The following LMX1A variants were observed in gnomAD, a reference collection of about 807,000 sequenced individuals.
The protein encoded by LMX1A is LIM homeobox transcription factor 1 alpha, also known as LIM homeobox transcription factor 1-alpha.
Under a neutral mutation model 49.1 loss-of-function variants are expected in LMX1A, and 15 were observed. The ratio of observed to expected loss-of-function variants is 0.31; its 90% confidence interval spans 0.20 to 0.47. The LOEUF is 0.47. LMX1A is among the 20% of genes least tolerant of loss of function. The pLI is 1.00. For synonymous variants in LMX1A, 167 were observed against 185.7 expected, an observed-to-expected ratio of 0.90 and a Z score of 0.82; for missense variants, 372 against 475.8, an observed-to-expected ratio of 0.78 and a Z score of 2.03.
intron 3 of LMX1A, among the ~76,000 whole-genome samples, chr1:165,258,300 G>A (rs1653315924): frequency 6.6e-6 from 1 of 152,158 alleles, no homozygotes; most frequent in South Asian, 2.1e-4. Flanking sequence ...AAAGTATTGG[G>A]AACCAAAAGC....
chr1:165,237,305 C>T (rs1166548386), intron 4 of LMX1A, among the ~76,000 whole-genome samples: 2 of 152,212 alleles, frequency 1.3e-5, no homozygotes, highest in African/African-American at 4.8e-5. Context: ...CTCACTGCAA[C>T]CTCCGCCTCC....
chr1:165,306,476 T>C (rs6670443), intron 3 of LMX1A, among the ~76,000 whole-genome samples: 89,547 of 152,040 alleles, frequency 0.59, 27,102 homozygotes, highest in Middle Eastern at 0.74. Flanking sequence ...AGGTGACCCA[T>C]AGTCTGAAAC....
At chr1:165,215,235 C>T (rs537637251) in intron 4 of LMX1A, among the ~76,000 whole-genome samples, 25 of 152,162 alleles carry the variant, frequency 1.6e-4, no homozygotes, top group African/African-American at 5.3e-4. Flanking sequence ...CGCTTGAATC[C>T]GGGAGGTGGA....
At chr1:165,204,121 C>T (rs1227952088) in intron 8 of LMX1A, 81 bp from the exon 9 acceptor site, 1 of 1,459,716 alleles carries the variant, frequency 6.9e-7, no homozygotes, top group African/African-American at 1.4e-5. Context: ...CTGAATTCAA[C>T]AAGTGTTGCC....
At chr1:165,291,820 T>A (rs185804199) in intron 3 of LMX1A, among the ~76,000 whole-genome samples, 1 of 151,892 alleles carries the variant, frequency 6.6e-6, no homozygotes, top group Non-Finnish European at 1.5e-5. Context: ...TCCCAGCACT[T>A]TGGGAGGCCG....
rs187278372 is a variant in LMX1A, at chr1:165,307,648, A to G, written c.263+45428T>C. On this transcript the variant is annotated intron_variant, in intron 3 of 8. Coordinates refer to ENST00000342310, the MANE Select transcript of LMX1A (RefSeq NM_177398.4). ...TCACTCCCATAACCTCCAACCCTCA[A>G]TACCCTTACAACAGATCCATGTGAG... Among the ~76,000 whole-genome samples, 103 of 152,306 alleles carry G rather than the reference A, an allele frequency of 6.8e-4. 1 individual carries two copies. Among genetic ancestry groups the G allele is most frequent in the Middle Eastern group, 3.4e-3 (1 of 294 alleles).
intron 4 of LMX1A, among the ~76,000 whole-genome samples, chr1:165,223,076 T>C (rs1280286538): frequency 1.3e-5 from 2 of 151,974 alleles, no homozygotes. Flanking sequence ...GTGATGGTTG[T>C]ACAACTCCGA....
chr1:165,245,732 TA>T (rs1245422631), intron 4 of LMX1A, among the ~76,000 whole-genome samples: 1 of 152,080 alleles, frequency 6.6e-6, no homozygotes, highest in African/African-American at 2.4e-5. Context: ...TATTGCCCAC[TA>T]TAACCCCATG....
intron 4 of LMX1A, among the ~76,000 whole-genome samples, chr1:165,246,113 A>G (rs1203792499): frequency 1.3e-5 from 2 of 152,186 alleles, no homozygotes; most frequent in African/African-American, 4.8e-5. Flanking sequence ...TTCTGTTAAC[A>G]ATGAGATGGA....
intron 3 of LMX1A, among the ~76,000 whole-genome samples, chr1:165,325,000 T>C (rs1000898169): frequency 3.9e-5 from 6 of 152,298 alleles, no homozygotes; most frequent in Non-Finnish European, 2.9e-5. Context: ...AAGTCTTCCT[T>C]ATGTGAGCTA....
At chr1:165,345,257 G>T (rs966189061) in intron 3 of LMX1A, among the ~76,000 whole-genome samples, 14 of 152,228 alleles carry the variant, frequency 9.2e-5, no homozygotes, top group African/African-American at 3.4e-4. Flanking sequence ...TCAAGGCGTG[G>T]CTGCTGTGCA....
intron 4 of LMX1A, among the ~76,000 whole-genome samples, chr1:165,228,374 T>C (rs1187712318): frequency 6.6e-6 from 1 of 152,228 alleles, no homozygotes; most frequent in Non-Finnish European, 1.5e-5. Context: ...CTTTTGTTGC[T>C]AATTTGTAGA....
intron 3 of LMX1A, among the ~76,000 whole-genome samples, chr1:165,304,584 A>G (rs548491871): frequency 2.2e-4 from 34 of 152,292 alleles, no homozygotes; most frequent in African/African-American, 7.7e-4. Flanking sequence ...CACATGGTTA[A>G]TGTTCTTATA....
Position 165,343,340 on chromosome 1 carries a change from T to C in LMX1A, c.263+9736A>G, listed in dbSNP as rs544260679. ...GTCTATGCTCTTAACAACTACACTGTCTTGGCTTATCATACACAGCTTCTA... is the reference window on the plus strand; with the variant it reads ...GTCTATGCTCTTAACAACTACACTGCCTTGGCTTATCATACACAGCTTCTA... On this transcript the variant is annotated intron_variant, in intron 3 of 8. Transcript: ENST00000342310. Among the ~76,000 whole-genome samples the C allele has an allele frequency of 5.3e-5, 8 of 151,966 alleles. 1 individual carries two copies. Among genetic ancestry groups the C allele is most frequent in the African/African-American group, 1.9e-4 (8 of 41,466 alleles).
intron 3 of LMX1A, among the ~76,000 whole-genome samples, chr1:165,350,614 C>G (rs530200614): frequency 6.6e-6 from 1 of 151,908 alleles, no homozygotes; most frequent in African/African-American, 2.4e-5. Flanking sequence ...CAGACTAAGA[C>G]CATTAAGATT....
Position 165,307,007 on chromosome 1 carries a change from C to T in LMX1A, c.263+46069G>A, listed in dbSNP as rs574101852. Among the ~76,000 whole-genome samples the T allele has an allele frequency of 1.3e-5, 2 of 152,364 alleles. 1 individual carries two copies. The highest frequency in any genetic ancestry group is 4.1e-4 in the South Asian group (2 of 4,832). On this transcript the variant is annotated intron_variant, in intron 3 of 8. Transcript: ENST00000342310. ...CCTCTCGGGCAGAAGCCAGAGGCTG[C>T]GTCTGTGCATATGGGCAGTGGTAAT... is the stretch of plus-strand genomic sequence containing the variant.
rs80301097 is a variant in LMX1A at position 165,238,257 on chromosome 1, C to T, written c.496+11151G>A. 1.1e-3 allele frequency among the ~76,000 whole-genome samples: 162 copies of T among 152,336 alleles called. 1 individual carries two copies. Among genetic ancestry groups the T allele is most frequent in the African/African-American group, 3.8e-3 (159 of 41,580 alleles). On this transcript the variant is annotated intron_variant, in intron 4 of 8. Transcript: ENST00000342310. ...GATATGTACCAATTTACTTCACTGT[C>T]GTGCTTTTATTCATTTGATTGATGG... is the stretch of plus-strand genomic sequence containing the variant.
chr1:165,224,331 T>C (rs72702406), intron 4 of LMX1A, among the ~76,000 whole-genome samples: 25,491 of 152,078 alleles, frequency 0.17, 2,369 homozygotes, highest in African/African-American at 0.24. Flanking sequence ...TTTCACAGTC[T>C]CCTGTATGTC....
At chr1:165,343,943 A>G (rs1445628330) in intron 3 of LMX1A, among the ~76,000 whole-genome samples, 6 of 152,216 alleles carry the variant, frequency 3.9e-5, no homozygotes, top group Non-Finnish European at 8.8e-5. Flanking sequence ...GTCCATCCCA[A>G]TGTGAATTAT....
Sources: allele counts gnomAD v4.1 joint callset (sites outside exome capture counted in the v4.1 genomes callset), GRCh38; gene constraint gnomAD v4.1.1; transcripts MANE v1.5; gene names NCBI Gene and HGNC (gene_info 2026-07-23, HGNC 2026-07-21).